The following ZDHHC17 variants were observed in gnomAD, a reference collection of about 807,000 sequenced individuals.
ZDHHC17 encodes the protein zDHHC palmitoyltransferase 17.
A neutral mutation model predicts 90.3 loss-of-function variants in ZDHHC17; 40 were observed. The observed-to-expected ratio is 0.44, with a 90% CI of 0.34 to 0.58. The LOEUF (loss-of-function observed/expected upper bound fraction) is 0.58. Ranked by LOEUF, ZDHHC17 falls within the 20% of genes least tolerant of loss-of-function variation. The pLI, the probability that ZDHHC17 is intolerant of heterozygous loss-of-function variation, is 0.01. For synonymous variants in ZDHHC17, 235 were observed against 252.4 expected (o/e 0.93, Z 0.65); for missense variants, 614 against 780.8 (o/e 0.79, Z 2.55).
rs887701164 is a variant in ZDHHC17, at chr12:76,806,432, A to G, written c.320+993A>G. Among the ~76,000 whole-genome samples the G allele has an allele frequency of 7.2e-5, 11 of 152,030 alleles. No individual in the cohort carries two copies. The East Asian group carries it at 1.5e-3, about 21-fold the overall frequency. On this transcript the variant is annotated intron_variant, in intron 3 of 16. Coordinates refer to ENST00000426126, the MANE Select transcript of ZDHHC17 (RefSeq NM_015336.4). ...TAGTTGGGATTATAGGCGGGTGCCAATAGTAAATGACGTATAGAGTGATTC... is the reference window on the plus strand; with the variant it reads ...TAGTTGGGATTATAGGCGGGTGCCAGTAGTAAATGACGTATAGAGTGATTC...
chr12:76,816,122 C>T, intron 7 of ZDHHC17, 103 bp downstream of exon 7: 1 of 943,394 alleles, frequency 1.1e-6, no homozygotes, highest in Non-Finnish European at 1.5e-6. Flanking sequence ...AAAGAAACTT[C>T]TTCAATACAG....
intron 16 of ZDHHC17, 152 bp downstream of exon 16, chr12:76,849,622 C>A: frequency 1.9e-6 from 1 of 525,346 alleles, no homozygotes; most frequent in Non-Finnish European, 3.3e-6. Flanking sequence ...AACAACAAAA[C>A]AGAATTCATC....
chr12:76,834,612 C>T (rs1449267793), intron 10 of ZDHHC17, among the ~76,000 whole-genome samples: 1 of 152,158 alleles, frequency 6.6e-6, no homozygotes, highest in Non-Finnish European at 1.5e-5. Flanking sequence ...CCAATCACCA[C>T]TTTTCATGAA....
At chr12:76,787,495 T>TA (rs1952701927) in intron 1 of ZDHHC17, among the ~76,000 whole-genome samples, 1 of 152,140 alleles carries the variant, frequency 6.6e-6, no homozygotes, top group African/African-American at 2.4e-5. Flanking sequence ...CATTGACTAT[T>TA]AAAAAATGGA....
chr12:76,783,905 C>T (rs1487872654), intron 1 of ZDHHC17, among the ~76,000 whole-genome samples: 1 of 151,954 alleles, frequency 6.6e-6, no homozygotes, highest in Non-Finnish European at 1.5e-5. Flanking sequence ...AAAATGTTTG[C>T]CTTGATTATG....
chr12:76,780,468 C>T (rs1952609420), intron 1 of ZDHHC17, among the ~76,000 whole-genome samples: 1 of 152,178 alleles, frequency 6.6e-6, no homozygotes, highest in South Asian at 2.1e-4. Flanking sequence ...GATCATTTCT[C>T]TCATCTTACA....
At chr12:76,825,351 T>C (rs905161718) in intron 8 of ZDHHC17, among the ~76,000 whole-genome samples, 4 of 152,200 alleles carry the variant, frequency 2.6e-5, no homozygotes, top group African/African-American at 9.6e-5. Context: ...GACTTCACTA[T>C]ATAATTCTTT....
rs560646926 is a variant in ZDHHC17 at position 76,770,366 on chromosome 12, T to C, written c.93+6037T>C. On this transcript the variant is annotated intron_variant, in intron 1 of 16. Coordinates refer to ENST00000426126, the MANE Select transcript of ZDHHC17 (RefSeq NM_015336.4). Reference sequence around the variant, plus strand: ...GCCCTTTTGCCCTATTTGATGTTTTTAAAGACGTGTGCTTTGCTACAAGGG... The same window carrying C: ...GCCCTTTTGCCCTATTTGATGTTTTCAAAGACGTGTGCTTTGCTACAAGGG... Among the ~76,000 whole-genome samples the C allele has an allele frequency of 5.8e-3, 882 of 152,292 alleles. 10 individuals are homozygous for C. The highest frequency in any genetic ancestry group is 0.021 in the African/African-American group (858 of 41,546).
chr12:76,764,935 G>C, intron 1 of ZDHHC17: 3 of 442,202 alleles, frequency 6.8e-6, no homozygotes, highest in Non-Finnish European at 1.4e-5. Flanking sequence ...ACATTAGCTT[G>C]TCAAAGTACC....
At chr12:76,782,563 T>TA (rs993941077) in intron 1 of ZDHHC17, among the ~76,000 whole-genome samples, 19 of 152,056 alleles carry the variant, frequency 1.2e-4, no homozygotes, top group African/African-American at 4.3e-4. Context: ...GAAAGAAACT[T>TA]AAAGAAAGTT....
chr12:76,831,200 C>T (rs1290613818), intron 10 of ZDHHC17, among the ~76,000 whole-genome samples: 1 of 152,152 alleles, frequency 6.6e-6, no homozygotes, highest in African/African-American at 2.4e-5. Context: ...CACCTGAGGA[C>T]ATACCTGACA....
chr12:76,851,784 T>G lies in ZDHHC17; in HGVS notation c.*799T>G, dbSNP rs1248481240. 1 of 152,642 alleles carries G rather than the reference T, an allele frequency of 6.6e-6. No individual in the cohort carries two copies. The highest frequency in any genetic ancestry group is 1.5e-5 in the Non-Finnish European group (1 of 68,040). 9.5% of individuals were successfully genotyped at this position (152,642 alleles called of 1,614,324 possible). On this transcript the variant is annotated 3_prime_UTR_variant, in exon 17 of 17. Coordinates refer to ENST00000426126, the MANE Select transcript of ZDHHC17 (RefSeq NM_015336.4). ...CTATCCAGTGAAGCATAAATTAGAA[T>G]TTAATTTGATGTTCAAAAACAGTTC... is the stretch of plus-strand genomic sequence containing the variant.
In ZDHHC17 at chr12:76,815,999, G is replaced by A; in HGVS notation, c.751G>A (p.Val251Ile). 6.4e-7 allele frequency: 1 copy of A among 1,556,092 alleles called. No individual in the cohort carries two copies. The highest frequency in any genetic ancestry group is 8.7e-7 in the Non-Finnish European group (1 of 1,151,934). Residue 251 changes from valine to isoleucine, a missense_variant, in exon 7 of 17, where the codon GTT becomes ATT. Coordinates refer to ENST00000426126, the MANE Select transcript of ZDHHC17 (RefSeq NM_015336.4). Reference sequence around the variant, plus strand: ...CCTTCTTCTGGAAGCTGGAGCTAATGTTGATGCCCAGAATATCAAGGTAAA... The same window carrying A: ...CCTTCTTCTGGAAGCTGGAGCTAATATTGATGCCCAGAATATCAAGGTAAA... Reference protein sequence around the residue: ...ISLLLEAGANVDAQNIKGESA... With the variant: ...ISLLLEAGANIDAQNIKGESA...
At chr12:76,790,505 A>C (rs1318684427) in intron 1 of ZDHHC17, among the ~76,000 whole-genome samples, 1 of 152,188 alleles carries the variant, frequency 6.6e-6, no homozygotes, top group African/African-American at 2.4e-5. Flanking sequence ...CTGTCTCTAA[A>C]TAAATAAATA....
At position 76,815,914 on chromosome 12, in the gene ZDHHC17, G is replaced by A; in HGVS notation, c.666G>A (p.Lys222=). 9 of 1,579,676 alleles carry A rather than the reference G, an allele frequency of 5.7e-6. No individual in the cohort carries two copies. Among genetic ancestry groups the A allele is most frequent in the Non-Finnish European group, 7.7e-6 (9 of 1,161,440 alleles). Residue 222 remains lysine (K), a synonymous_variant, in exon 7 of 17, where the codon AAG becomes AAA. Transcript: ENST00000426126. ...ATGTTTCAGTTAACCTTGGTGACAA[G>A]TATCACAAAAACACTGCTCTGCATT... ...TFNVSVNLGD[K]YHKNTALHWA... is the part of the protein sequence containing the mutation.
chr12:76,778,120 C>T (rs1952579864), intron 1 of ZDHHC17, among the ~76,000 whole-genome samples: 1 of 152,084 alleles, frequency 6.6e-6, no homozygotes. Context: ...AGGTTTTTAT[C>T]GTGGTCAGCA....
intron 3 of ZDHHC17, 79 bp from the exon 4 acceptor site, chr12:76,808,964 T>A: frequency 1.2e-6 from 1 of 842,694 alleles, no homozygotes. Flanking sequence ...ATAGAAAACA[T>A]GTATTTACAT....
intron 1 of ZDHHC17, among the ~76,000 whole-genome samples, chr12:76,778,947 A>T (rs533663450): frequency 6.6e-6 from 1 of 152,172 alleles, no homozygotes; most frequent in Admixed American, 6.5e-5. Context: ...TTCTCACATG[A>T]TCTCTTTATG....
chr12:76,830,080 T>G (rs1953281533), intron 10 of ZDHHC17, among the ~76,000 whole-genome samples: 1 of 151,666 alleles, frequency 6.6e-6, no homozygotes, highest in South Asian at 2.1e-4. Context: ...TTTTTGATAT[T>G]TTACATAGAA....
Sources: allele counts gnomAD v4.1 joint callset (sites outside exome capture counted in the v4.1 genomes callset), GRCh38; gene constraint gnomAD v4.1.1; transcripts MANE v1.5; gene names NCBI Gene and HGNC (gene_info 2026-07-23, HGNC 2026-07-21).